The following LRP1B variants were observed in gnomAD, a reference collection of about 807,000 sequenced individuals.
The protein encoded by LRP1B is low-density lipoprotein receptor-related protein 1B.
LRP1B carries 217 observed loss-of-function variants against 556.6 expected under a neutral mutation model. The observed-to-expected ratio is 0.39, with a 90% confidence interval of 0.35 to 0.44. LRP1B has a LOEUF of 0.44. LRP1B is among the 20% of genes least tolerant of loss of function. The pLI, the probability that LRP1B is intolerant of heterozygous loss-of-function variation, is 1.00. For missense variants in LRP1B, 5,053 were observed against 5,620.8 expected (o/e 0.90, Z 3.23); for synonymous variants, 2,047 against 1,865.8 (o/e 1.10, Z -2.50).
At chr2:141,414,260 G>C (rs1159288272) in intron 3 of LRP1B, among the ~76,000 whole-genome samples, 4 of 140,280 alleles carry the variant, frequency 2.9e-5, no homozygotes, top group Non-Finnish European at 6.0e-5. Context: ...AAAAGAAAAA[G>C]GAAGGAAGGA....
At chr2:141,130,055 A>C (rs1047752882) in intron 7 of LRP1B, among the ~76,000 whole-genome samples, 5 of 152,042 alleles carry the variant, frequency 3.3e-5, no homozygotes, top group Non-Finnish European at 7.4e-5. Flanking sequence ...TACTTCAAAA[A>C]ATGTAAAAAA....
chr2:140,971,146 C>A (rs1011673897), intron 18 of LRP1B, among the ~76,000 whole-genome samples: 4 of 152,088 alleles, frequency 2.6e-5, no homozygotes, highest in Admixed American at 2.0e-4. Flanking sequence ...TCTTTGCAGA[C>A]GTAAAGTTAA....
At chr2:141,416,996 C>CT (rs547272821) in intron 3 of LRP1B, among the ~76,000 whole-genome samples, 4 of 152,242 alleles carry the variant, frequency 2.6e-5, no homozygotes, top group South Asian at 2.1e-4. Flanking sequence ...ATCATTCTAA[C>CT]TTTTTTTACA....
intron 7 of LRP1B, among the ~76,000 whole-genome samples, chr2:141,092,501 A>G (rs1454485155): frequency 1.3e-5 from 2 of 152,224 alleles, no homozygotes; most frequent in Non-Finnish European, 2.9e-5. Context: ...CAGGTATAAG[A>G]TAAAAGTAGG....
intron 3 of LRP1B, among the ~76,000 whole-genome samples, chr2:141,327,469 G>A (rs771324649): frequency 2.6e-5 from 4 of 151,792 alleles, no homozygotes; most frequent in Admixed American, 6.6e-5. Flanking sequence ...ACTGAGTCTC[G>A]GTAAACCTTA....
intron 1 of LRP1B, among the ~76,000 whole-genome samples, chr2:141,974,275 C>T (rs1463842383): frequency 3.3e-5 from 5 of 151,988 alleles, no homozygotes; most frequent in Non-Finnish European, 7.4e-5. Flanking sequence ...CTCTACTAGT[C>T]AGACACTCAG....
chr2:141,284,469 G>T (rs1001782535), intron 3 of LRP1B, among the ~76,000 whole-genome samples: 1 of 152,166 alleles, frequency 6.6e-6, no homozygotes, highest in Admixed American at 6.5e-5. Flanking sequence ...TGTGAAATAA[G>T]AAATTTCTGA....
At chr2:141,174,473 AAAGT>A (rs1680648958) in intron 7 of LRP1B, among the ~76,000 whole-genome samples, 1 of 152,014 alleles carries the variant, frequency 6.6e-6, no homozygotes, top group Non-Finnish European at 1.5e-5. Flanking sequence ...TATTCTCATG[AAAGT>A]AAGTTTTCAT....
At chr2:140,485,811 T>C (rs1180825771) in intron 58 of LRP1B, among the ~76,000 whole-genome samples, 4 of 150,020 alleles carry the variant, frequency 2.7e-5, no homozygotes, top group Non-Finnish European at 5.9e-5. Context: ...AATCTATTCA[T>C]CCTCTTAAAA....
At chr2:140,598,152 A>G (rs1682516452) in intron 43 of LRP1B, among the ~76,000 whole-genome samples, 1 of 152,202 alleles carries the variant, frequency 6.6e-6, no homozygotes, top group Admixed American at 6.5e-5. Flanking sequence ...ACCCAGAGAA[A>G]AGAGAGTCCA....
intron 32 of LRP1B, among the ~76,000 whole-genome samples, chr2:140,807,287 T>G (rs1573744852): frequency 6.6e-6 from 1 of 152,312 alleles, no homozygotes; most frequent in Non-Finnish European, 1.5e-5. Context: ...TGTAGGAAAC[T>G]GTTTTTACCA....
intron 40 of LRP1B, among the ~76,000 whole-genome samples, chr2:140,701,517 G>A (rs1448129612): frequency 1.3e-5 from 2 of 151,956 alleles, no homozygotes; most frequent in African/African-American, 4.8e-5. Flanking sequence ...TACCTGTGCT[G>A]TCCTGGGCAA....
chr2:141,396,629 T>C (rs146533602), intron 3 of LRP1B, among the ~76,000 whole-genome samples: 172 of 152,256 alleles, frequency 1.1e-3, no homozygotes, highest in African/African-American at 3.7e-3. Context: ...AGGAATAAAA[T>C]TGTAGATGTA....
intron 3 of LRP1B, among the ~76,000 whole-genome samples, chr2:141,424,113 CTTTT>C (rs11465120): frequency 7.3e-6 from 1 of 136,998 alleles, no homozygotes; most frequent in African/African-American, 2.7e-5. Context: ...AAGCCTTCAT[CTTTT>C]TTTTTTTTTT....
chr2:141,192,824 T>G (rs971724512), intron 6 of LRP1B, among the ~76,000 whole-genome samples: 12 of 152,040 alleles, frequency 7.9e-5, no homozygotes, highest in African/African-American at 2.7e-4. Context: ...ATTTTGAAAC[T>G]TGTAAAGTAG....
chr2:141,672,416 G>A (rs1161896331), intron 2 of LRP1B, among the ~76,000 whole-genome samples: 1 of 152,138 alleles, frequency 6.6e-6, no homozygotes, highest in African/African-American at 2.4e-5. Flanking sequence ...GGTACTTCTA[G>A]TTCAAATTTA....
At chr2:141,617,345 T>C (rs191979223) in intron 2 of LRP1B, among the ~76,000 whole-genome samples, 1 of 152,316 alleles carries the variant, frequency 6.6e-6, no homozygotes, top group East Asian at 1.9e-4. Flanking sequence ...CAAAGTGTTA[T>C]GGAAAATAAA....
At chr2:142,023,693 G>A (rs1433865040) in intron 1 of LRP1B, among the ~76,000 whole-genome samples, 2 of 152,152 alleles carry the variant, frequency 1.3e-5, no homozygotes, top group African/African-American at 4.8e-5. Context: ...GCCAATTAAT[G>A]AATTTCTAAA....
chr2:141,979,657 A>C (rs1489423716), intron 1 of LRP1B, among the ~76,000 whole-genome samples: 3 of 152,036 alleles, frequency 2.0e-5, no homozygotes, highest in African/African-American at 7.2e-5. Flanking sequence ...TTCCCCTTTA[A>C]AATACATACT....
Sources: gnomAD v4.1 joint callset for allele counts (sites outside exome capture counted in the v4.1 genomes callset) on GRCh38, gnomAD v4.1.1 for gene constraint, MANE v1.5 for transcripts, NCBI Gene and HGNC (gene_info 2026-07-23, HGNC 2026-07-21) for gene names.